The following STMP1 variants were observed in gnomAD, a reference collection of about 807,000 sequenced individuals.
STMP1 encodes the protein mitolamban.
STMP1 carries 7 observed loss-of-function variants against 7.0 expected under a neutral mutation model. That is an observed-to-expected ratio of 1.01 (90% confidence interval 0.57 to 1.89). STMP1 has a LOEUF of 1.89. Among genes scored for constraint, STMP1 ranks in the 40% most tolerant of loss-of-function variants. The probability of loss-of-function intolerance (pLI) is 0.00; values close to 1 mark genes in which losing one functional copy is unlikely to be tolerated. For missense variants in STMP1, 45 were observed against 53.0 expected, an observed-to-expected ratio of 0.85 and a Z score of 0.47; for synonymous variants, 19 against 18.4, an observed-to-expected ratio of 1.03 and a Z score of -0.08.
chr7:135,668,575 C>T (rs903573121), intron 1 of STMP1, among the ~76,000 whole-genome samples: 3 of 152,052 alleles, frequency 2.0e-5, no homozygotes, highest in African/African-American at 7.2e-5. Context: ...GCTAGTTTTG[C>T]ATTTTGTTGG....
chr7:135,669,372 T>C (rs957705784), intron 1 of STMP1, among the ~76,000 whole-genome samples: 1 of 152,258 alleles, frequency 6.6e-6, no homozygotes, highest in African/African-American at 2.4e-5. Flanking sequence ...CATGGCCTAG[T>C]TCTGATGTTT....
Position 135,676,314 on chromosome 7 carries a change from A to G in STMP1, c.*2149A>G, listed in dbSNP as rs563372253. The G allele has an allele frequency of 6.6e-6, 1 of 152,338 alleles. No individual in the cohort carries two copies. The highest frequency in any genetic ancestry group is 1.5e-5 in the Non-Finnish European group (1 of 68,022). 9.4% of individuals were successfully genotyped at this position (152,338 alleles called of 1,614,324 possible). A position where few individuals can be genotyped will look rare whatever the true frequency, so the allele number is the denominator to read the frequency against. ...GCATTATCTGTAGACGTGGACGTAA[A>G]TATCCACCTCATAGGGTTTTCATAA... On this transcript the variant is annotated 3_prime_UTR_variant, in exon 3 of 3. Transcript: ENST00000507606.
At position 135,662,563 on chromosome 7, in the gene STMP1, C is replaced by A. The variant is rs983297039; in HGVS notation, c.-17C>A. 1.2e-5 allele frequency: 19 copies of A among 1,547,974 alleles called. No individual in the cohort carries two copies. The highest frequency in any genetic ancestry group is 1.7e-5 in the Non-Finnish European group (19 of 1,145,588). The stretch of plus-strand genomic sequence containing the variant: ...GCTGCAGTCCTTCGCGCCCTCCTCG[C>A]CCTCCCCACCGACATCATGCTCCAG... On this transcript the variant is annotated 5_prime_UTR_variant, in exon 1 of 3. Coordinates refer to ENST00000507606, the MANE Select transcript of STMP1 (RefSeq NM_001130929.2).
intron 1 of STMP1, among the ~76,000 whole-genome samples, chr7:135,671,879 C>T (rs1455430749): frequency 6.6e-6 from 1 of 152,126 alleles, no homozygotes; most frequent in Non-Finnish European, 1.5e-5. Flanking sequence ...TGGAGAAGTC[C>T]CTTCCCATCC....
chr7:135,671,248 T>G (rs1484235013), intron 1 of STMP1, among the ~76,000 whole-genome samples: 1 of 152,188 alleles, frequency 6.6e-6, no homozygotes, highest in Non-Finnish European at 1.5e-5. Flanking sequence ...AACAAACCAA[T>G]TTAAATTATA....
intron 1 of STMP1, among the ~76,000 whole-genome samples, chr7:135,671,954 C>G (rs1307878502): frequency 6.6e-6 from 1 of 152,170 alleles, no homozygotes; most frequent in Non-Finnish European, 1.5e-5. Flanking sequence ...CCTTCATTCT[C>G]TGAGATCCTA....
chr7:135,672,824 T>C lies in STMP1; in HGVS notation c.69+18T>C. On this transcript the variant is annotated intron_variant, in intron 2 of 2. Transcript: ENST00000507606. ...ACTATGATGTAAGTGGCCATATCCA[T>C]GACTTCCTTGATTCCATGTAACTGT... 6.5e-7 allele frequency: 1 copy of C among 1,543,488 alleles called. No homozygotes were observed. Among genetic ancestry groups the C allele is most frequent in the Non-Finnish European group, 8.8e-7 (1 of 1,139,474 alleles).
chr7:135,669,443 A>G (rs1241539135), intron 1 of STMP1, among the ~76,000 whole-genome samples: 4 of 152,194 alleles, frequency 2.6e-5, no homozygotes, highest in South Asian at 2.1e-4. Flanking sequence ...TTATATAACT[A>G]TTTTACCTAG....
At chr7:135,669,586 G>A (rs1256253324) in intron 1 of STMP1, among the ~76,000 whole-genome samples, 3 of 152,186 alleles carry the variant, frequency 2.0e-5, no homozygotes, top group Non-Finnish European at 4.4e-5. Context: ...GGGGCCGTAT[G>A]TATTTGGGAA....
At chr7:135,662,741 A>C in intron 1 of STMP1, 147 bp downstream of exon 1, 1 of 889,856 alleles carries the variant, frequency 1.1e-6, no homozygotes, top group Non-Finnish European at 1.7e-6. Context: ...GTCGCCTCGC[A>C]GGGCGGCCGT....
At chr7:135,674,034 T>A (rs1795383965) in intron 2 of STMP1, 57 bp from the exon 3 acceptor site, 5 of 1,070,848 alleles carry the variant, frequency 4.7e-6, no homozygotes, top group Non-Finnish European at 6.9e-6. Context: ...GGAAGAGAAG[T>A]ACAAGAATAT....
intron 1 of STMP1, among the ~76,000 whole-genome samples, chr7:135,669,316 T>C (rs1795334586): frequency 6.6e-6 from 1 of 152,262 alleles, no homozygotes; most frequent in African/African-American, 2.4e-5. Flanking sequence ...TCAAGTATGA[T>C]TTCTTAAAAG....
chr7:135,674,244 T>A lies in STMP1; in HGVS notation c.*79T>A. 2 of 1,158,104 alleles carry A rather than the reference T, an allele frequency of 1.7e-6. No homozygotes were observed. The highest frequency in any genetic ancestry group is 5.2e-5 in the East Asian group (2 of 38,108). The allele number at this position is 1,158,104 out of a possible 1,614,324, so 71.7% of individuals were successfully genotyped here. ...CTCGTTTACTATCTGAACCAAAAGCTTTTGTTTTCGTCTCCAGCCTCAGCA... is the reference window on the plus strand; with the variant it reads ...CTCGTTTACTATCTGAACCAAAAGCATTTGTTTTCGTCTCCAGCCTCAGCA... On this transcript the variant is annotated 3_prime_UTR_variant, in exon 3 of 3. Coordinates refer to ENST00000507606, the MANE Select transcript of STMP1 (RefSeq NM_001130929.2).
chr7:135,669,733 C>T (rs1010548218), intron 1 of STMP1, among the ~76,000 whole-genome samples: 7 of 152,120 alleles, frequency 4.6e-5, no homozygotes, highest in East Asian at 3.9e-4. Context: ...TATTCTCCAG[C>T]GAGGAGGTCT....
At chr7:135,663,181 T>C (rs75624528) in intron 1 of STMP1, among the ~76,000 whole-genome samples, 4,383 of 152,360 alleles carry the variant, frequency 0.029, 91 homozygotes, top group Middle Eastern at 0.099. Flanking sequence ...ACTATTTCTC[T>C]TGGCTCCTTA....
intron 1 of STMP1, 78 bp downstream of exon 1, chr7:135,662,672 A>G: frequency 6.8e-7 from 1 of 1,469,546 alleles, no homozygotes; most frequent in Non-Finnish European, 9.1e-7. Flanking sequence ...AGGATTGCCG[A>G]CCCCGCCGAC....
intron 1 of STMP1, among the ~76,000 whole-genome samples, chr7:135,666,012 C>T (rs1375731595): frequency 6.6e-6 from 1 of 151,486 alleles, no homozygotes; most frequent in African/African-American, 2.4e-5. Context: ...AGCGATTCTC[C>T]TGCCTCAGCC....
intron 1 of STMP1, among the ~76,000 whole-genome samples, chr7:135,672,137 G>T (rs991095757): frequency 6.6e-6 from 1 of 152,060 alleles, no homozygotes; most frequent in African/African-American, 2.4e-5. Context: ...GAGCCACCAC[G>T]CCTGGCTAAT....
Position 135,674,151 on chromosome 7 carries a change from C to A in STMP1, c.130C>A (p.Pro44Thr), listed in dbSNP as rs992846263. 2 of 1,550,104 alleles carry A rather than the reference C, an allele frequency of 1.3e-6. No individual in the cohort carries two copies. The highest frequency in any genetic ancestry group is 1.7e-6 in the Non-Finnish European group (2 of 1,146,506). The stretch of plus-strand genomic sequence containing the variant: ...AAAGGACTTGGATGCCAAGAAGAAA[C>A]CCCCTAGTGCATGAGACTGCCTCCA... Reference protein sequence around the residue: ...IKKDLDAKKKPPSA With the variant: ...IKKDLDAKKKTPSA Residue 44 changes from proline to threonine, a missense_variant, in exon 3 of 3, where the codon CCC (proline) becomes ACC (threonine). Coordinates refer to ENST00000507606, the MANE Select transcript of STMP1 (RefSeq NM_001130929.2).
Sources: gnomAD v4.1 joint callset for allele counts (sites outside exome capture counted in the v4.1 genomes callset) on GRCh38, gnomAD v4.1.1 for gene constraint, MANE v1.5 for transcripts, NCBI Gene and HGNC (gene_info 2026-07-23, HGNC 2026-07-21) for gene names.